NCKAP1: variants seen among roughly 807,000 people sequenced by gnomAD.
NCKAP1 encodes nck-associated protein 1.
In NCKAP1, 21 loss-of-function variants were observed where a neutral mutation model predicts 151.2. That is an observed-to-expected ratio of 0.14 (90% CI 0.10 to 0.20). The LOEUF (loss-of-function observed/expected upper bound fraction) is 0.20. Among genes scored for constraint, NCKAP1 ranks in the 10% least tolerant of loss-of-function variants. The pLI is 1.00. For missense variants in NCKAP1, 933 were observed against 1,352.1 expected (o/e 0.69, Z 4.86); for synonymous variants, 484 against 451.8 (o/e 1.07, Z -0.90).
intron 1 of NCKAP1, among the ~76,000 whole-genome samples, chr2:183,032,958 G>A (rs1699034521): frequency 6.6e-6 from 1 of 152,166 alleles, no homozygotes; most frequent in Non-Finnish European, 1.5e-5. Context: ...GCTGAGGTGG[G>A]AGGATCGCCT....
chr2:182,934,794 A>C lies in NCKAP1; in HGVS notation c.2817T>G (p.Ile939Met). Reference protein sequence around the residue: ...SYHIPFLVSSIEDFKDHIPRE... With the variant: ...SYHIPFLVSSMEDFKDHIPRE... ...TTGGAATGTGATCCTTAAAATCTTC[A>C]ATTGAACTTACAAGAAAAGGAATGT... The change falls in exon 26 of 31, where the codon ATT (isoleucine) becomes ATG (methionine). Residue 939 changes from isoleucine (I) to methionine (M), a missense_variant. Ile to Met is a conservative substitution (Grantham distance 10). This residue lies in a region of NCKAP1 where 326 missense variants were observed against 557.1 expected (regional missense o/e 0.59). Coordinates refer to ENST00000361354, the MANE Select transcript of NCKAP1 (RefSeq NM_013436.5). 1 of 1,486,136 alleles carries C rather than the reference A, an allele frequency of 6.7e-7. No homozygotes were observed. 92.1% of individuals were successfully genotyped at this position (1,486,136 alleles called of 1,614,324 possible). A position where few individuals can be genotyped will look rare whatever the true frequency, so the allele number is the denominator to read the frequency against.
chr2:183,026,378 A>T (rs1698897547), intron 1 of NCKAP1, among the ~76,000 whole-genome samples: 1 of 151,976 alleles, frequency 6.6e-6, no homozygotes, highest in Non-Finnish European at 1.5e-5. Context: ...TGGGAAGCTG[A>T]GGGAGAAGAT....
intron 2 of NCKAP1, among the ~76,000 whole-genome samples, chr2:183,022,143 ATTCTAAG>A (rs1466668843): frequency 2.6e-5 from 4 of 152,202 alleles, no homozygotes; most frequent in Non-Finnish European, 5.9e-5. Context: ...GATACTTCTA[ATTCTAAG>A]GAAAGACCTA....
chr2:183,002,089 C>T (rs1056501571), intron 5 of NCKAP1, 38 bp downstream of exon 5: 1 of 1,612,312 alleles, frequency 6.2e-7, no homozygotes, highest in Non-Finnish European at 8.5e-7. Context: ...ATCCATCAAA[C>T]TGAGCATTTT....
chr2:183,017,553 G>C (rs959430866), intron 2 of NCKAP1, among the ~76,000 whole-genome samples: 3 of 152,116 alleles, frequency 2.0e-5, no homozygotes, highest in Admixed American at 2.0e-4. Context: ...GAGTGATGGG[G>C]AGTGGCTGTA....
intron 8 of NCKAP1, among the ~76,000 whole-genome samples, chr2:182,993,347 C>G (rs1433587798): frequency 6.6e-6 from 1 of 152,206 alleles, no homozygotes; most frequent in East Asian, 1.9e-4. Flanking sequence ...GATGCAGAAC[C>G]CCAGGATATA....
intron 2 of NCKAP1, among the ~76,000 whole-genome samples, chr2:183,009,475 G>GAAGGAAGGAAGGAAGGAAGCAAGC (rs1485338665): frequency 1.5e-4 from 15 of 100,282 alleles, no homozygotes; most frequent in South Asian, 4.0e-4. Context: ...AGGAAGGAAG[G>GAAGGAAGGAAGGAAGGAAGCAAGC]AAGCAAGCAA....
intron 20 of NCKAP1, 138 bp from the exon 21 acceptor site, chr2:182,953,469 AATT>A: frequency 1.6e-6 from 1 of 615,596 alleles, no homozygotes; most frequent in South Asian, 2.5e-5. Flanking sequence ...AAAGCTGTAA[AATT>A]ACTGTCATTA....
chr2:183,033,004 G>A (rs1203705034), intron 1 of NCKAP1, among the ~76,000 whole-genome samples: 1 of 152,164 alleles, frequency 6.6e-6, no homozygotes, highest in Non-Finnish European at 1.5e-5. Flanking sequence ...AGCTGAGATC[G>A]TGCCATTGTA....
At chr2:182,951,014 G>A (rs1697203467) in intron 23 of NCKAP1, among the ~76,000 whole-genome samples, 1 of 151,936 alleles carries the variant, frequency 6.6e-6, no homozygotes, top group Admixed American at 6.6e-5. Flanking sequence ...TGTATTTTCA[G>A]TAGAGGGGGG....
intron 15 of NCKAP1, 53 bp from the exon 16 acceptor site, chr2:182,967,414 A>G: frequency 2.0e-6 from 3 of 1,477,866 alleles, no homozygotes; most frequent in South Asian, 1.3e-5. Flanking sequence ...ATGACTTCGG[A>G]CTTGTCATTT....
intron 1 of NCKAP1, among the ~76,000 whole-genome samples, chr2:183,035,565 G>A (rs999938331): frequency 7.9e-5 from 12 of 152,050 alleles, no homozygotes; most frequent in African/African-American, 2.9e-4. Context: ...ATTGAAAAGA[G>A]TATGTGGTTT....
intron 6 of NCKAP1, among the ~76,000 whole-genome samples, chr2:182,996,257 T>C (rs992349923): frequency 6.6e-5 from 10 of 152,244 alleles, no homozygotes; most frequent in African/African-American, 2.2e-4. Context: ...CTCAACATGC[T>C]TTATATTTCT....
intron 8 of NCKAP1, among the ~76,000 whole-genome samples, chr2:182,991,562 A>G (rs1415833025): frequency 1.3e-5 from 2 of 152,144 alleles, no homozygotes; most frequent in Non-Finnish European, 1.5e-5. Context: ...AAGTCTCAAA[A>G]GAATAAAATA....
chr2:182,974,398 A>C (rs1697763436), intron 15 of NCKAP1, among the ~76,000 whole-genome samples: 1 of 152,186 alleles, frequency 6.6e-6, no homozygotes, highest in Non-Finnish European at 1.5e-5. Flanking sequence ...CCTAACCCCC[A>C]GTACCTCAGA....
intron 26 of NCKAP1, among the ~76,000 whole-genome samples, chr2:182,933,214 G>A (rs546910764): frequency 4.6e-5 from 7 of 152,176 alleles, no homozygotes; most frequent in Non-Finnish European, 8.8e-5. Flanking sequence ...GAAAAGGTTG[G>A]TATTTTCAAG....
intron 17 of NCKAP1, among the ~76,000 whole-genome samples, chr2:182,962,940 A>G (rs1697487329): frequency 6.6e-6 from 1 of 151,986 alleles, no homozygotes; most frequent in Admixed American, 6.6e-5. Context: ...AATGTTGAGT[A>G]TAAAACACTG....
At chr2:182,976,199 TAA>T (rs1285240086) in intron 15 of NCKAP1, among the ~76,000 whole-genome samples, 1 of 152,246 alleles carries the variant, frequency 6.6e-6, no homozygotes, top group Non-Finnish European at 1.5e-5. Context: ...ACAGGGCAAC[TAA>T]TTTTTATCAT....
intron 22 of NCKAP1, 137 bp from the exon 23 acceptor site, chr2:182,952,639 T>C (rs1323917933): frequency 9.0e-7 from 1 of 1,113,182 alleles, no homozygotes; most frequent in Non-Finnish European, 1.3e-6. Flanking sequence ...AAAGAGAGAA[T>C]ACAAAATGCA....
Sources: allele counts gnomAD v4.1 joint callset (sites outside exome capture counted in the v4.1 genomes callset), GRCh38; gene constraint gnomAD v4.1.1; regional missense constraint gnomAD v4.1.1; transcripts MANE v1.5; gene names NCBI Gene and HGNC (gene_info 2026-07-23, HGNC 2026-07-21).